ITGAX: variants seen among roughly 807,000 people sequenced by gnomAD.
The protein encoded by ITGAX is integrin alpha-X.
ITGAX carries 99 observed loss-of-function variants against 140.2 expected under a neutral mutation model. The observed-to-expected ratio is 0.71, with a 90% CI of 0.60 to 0.83. The LOEUF (loss-of-function observed/expected upper bound fraction) is 0.83. Among genes scored for constraint, ITGAX ranks in the 40% least tolerant of loss-of-function variants. The probability of loss-of-function intolerance (pLI) is 0.00; values close to 1 mark genes in which losing one functional copy is unlikely to be tolerated. For missense variants in ITGAX, 1,444 were observed against 1,482.0 expected, an observed-to-expected ratio of 0.97 and a Z score of 0.42; for synonymous variants, 631 against 600.4, an observed-to-expected ratio of 1.05 and a Z score of -0.75.
At chr16:31,363,568 C>G (rs2080861437) in intron 14 of ITGAX, among the ~76,000 whole-genome samples, 194 bp downstream of exon 14, 1 of 152,254 alleles carries the variant, frequency 6.6e-6, no homozygotes, top group African/African-American at 2.4e-5. Context: ...GCCTCAGCCT[C>G]CAGAGTAGCT....
Position 31,361,961 on chromosome 16 carries a change from G to A in ITGAX, c.1086+52G>A, listed in dbSNP as rs1038606958. ...TGTGCCGTGAGGGGAGGGGGAGCAGGGAAGGCCAGGGTGGGTGTCAGGTGG... is the reference window on the plus strand; with the variant it reads ...TGTGCCGTGAGGGGAGGGGGAGCAGAGAAGGCCAGGGTGGGTGTCAGGTGG... On this transcript the variant is annotated intron_variant, in intron 10 of 29. Transcript: ENST00000268296. 30 of 1,612,902 alleles carry A rather than the reference G, an allele frequency of 1.9e-5. No homozygotes were observed. In the East Asian group the frequency reaches 6.7e-4, roughly 36 times the overall value.
Position 31,371,206 on chromosome 16 carries a change from C to T in ITGAX, c.1833C>T (p.Leu611=). Residue 611 remains leucine, a synonymous_variant, in exon 15 of 30, where the codon CTC becomes CTT. Transcript: ENST00000268296. The part of the protein sequence containing the change: ...DLAVGARGQV[L]LLRTRPVLWV... ...CTGTGGGGGCCCGGGGCCAGGTGCT[C>T]CTGCTCAGGTGAGAGCAGCCTTTCT... 1 of 1,608,642 alleles carries T rather than the reference C, an allele frequency of 6.2e-7. No individual in the cohort carries two copies. The highest frequency in any genetic ancestry group is 8.5e-7 in the Non-Finnish European group (1 of 1,177,396).
intron 16 of ITGAX, 61 bp downstream of exon 16, chr16:31,371,558 C>G (rs2080960736): frequency 3.1e-6 from 5 of 1,609,848 alleles, no homozygotes; most frequent in Non-Finnish European, 4.2e-6. Flanking sequence ...ATCCCAGGCC[C>G]CTGTCTCCCA....
chr16:31,382,635 C>G lies in ITGAX; in HGVS notation c.*728C>G. On this transcript the variant is annotated 3_prime_UTR_variant, in exon 30 of 30. Transcript: ENST00000268296. Reference sequence around the variant, plus strand: ...TGTCAGCATCAGCTCAGGGCTTCATCGTGGGGCTCTCAGTTCCGATTTCCC... The same window carrying G: ...TGTCAGCATCAGCTCAGGGCTTCATGGTGGGGCTCTCAGTTCCGATTTCCC... 1 of 649,242 alleles carries G rather than the reference C, an allele frequency of 1.5e-6. No individual in the cohort carries two copies. The highest frequency in any genetic ancestry group is 1.6e-5 in the South Asian group (1 of 61,808). 40.2% of individuals were successfully genotyped at this position (649,242 alleles called of 1,614,324 possible). A position where few individuals can be genotyped will look rare whatever the true frequency, so the allele number is the denominator to read the frequency against.
chr16:31,382,653 GA>G lies in ITGAX; in HGVS notation c.*747del. ...GCTTCATCGTGGGGCTCTCAGTTCC[GA>G]TTTCCCAGGCTGAATTGGGAGTGAG... On this transcript the variant is annotated 3_prime_UTR_variant, in exon 30 of 30. Coordinates refer to ENST00000268296, the MANE Select transcript of ITGAX (RefSeq NM_000887.5). 1.6e-6 allele frequency: 1 copy of G among 622,428 alleles called. No homozygotes were observed. The highest frequency in any genetic ancestry group is 2.9e-6 in the Non-Finnish European group (1 of 341,240). 38.6% of individuals were successfully genotyped at this position (622,428 alleles called of 1,614,324 possible).
chr16:31,367,341 C>T (rs1043256903), intron 14 of ITGAX, among the ~76,000 whole-genome samples: 4 of 151,952 alleles, frequency 2.6e-5, no homozygotes, highest in Non-Finnish European at 5.9e-5. Flanking sequence ...GATGAGATGG[C>T]CTTCGATGGA....
intron 5 of ITGAX, 146 bp from the exon 6 acceptor site, chr16:31,359,554 C>T: frequency 2.4e-6 from 2 of 844,820 alleles, no homozygotes; most frequent in South Asian, 3.5e-5. Flanking sequence ...GAGGAGAGGA[C>T]CCAGGGTGTG....
chr16:31,378,302 A>G (rs2081037936), intron 23 of ITGAX, among the ~76,000 whole-genome samples: 1 of 152,222 alleles, frequency 6.6e-6, no homozygotes, highest in Non-Finnish European at 1.5e-5. Flanking sequence ...TGTCCCACAG[A>G]GCCCTGGCAT....
rs1283679510 is a variant in ITGAX, at chr16:31,365,035, CA to C, written c.1710+1666del. On this transcript the variant is annotated intron_variant, in intron 14 of 29. Coordinates refer to ENST00000268296, the MANE Select transcript of ITGAX (RefSeq NM_000887.5). The stretch of plus-strand genomic sequence containing the variant: ...ACTCCGTCTCGAACAAACAAACAAA[CA>C]AAAAGTTAAACATAGAGTTGCCATG... Among the ~76,000 whole-genome samples the C allele has an allele frequency of 2.0e-5, 3 of 151,974 alleles. No homozygotes were observed. The East Asian group carries it at 5.8e-4, about 30-fold the overall frequency.
chr16:31,355,389 A>G, intron 1 of ITGAX, 98 bp downstream of exon 1: 5 of 1,312,904 alleles, frequency 3.8e-6, no homozygotes, highest in South Asian at 3.7e-5. Flanking sequence ...GGATCTGGGT[A>G]GGAAGAGAGA....
chr16:31,373,474 G>A (rs2080992769), intron 20 of ITGAX, 84 bp downstream of exon 20: 1 of 1,428,560 alleles, frequency 7.0e-7, no homozygotes, highest in Admixed American at 2.3e-5. Context: ...GCTGGGCTTG[G>A]AGGTGGTAGT....
intron 23 of ITGAX, 47 bp downstream of exon 23, chr16:31,377,312 T>TAA: frequency 2.6e-6 from 3 of 1,165,634 alleles, no homozygotes; most frequent in African/African-American, 2.7e-5. Context: ...CTCTCTGACC[T>TAA]CAAAAAGAAA....
chr16:31,381,751 C>T (rs1244875923), intron 29 of ITGAX, 52 bp from the exon 30 acceptor site: 5 of 859,742 alleles, frequency 5.8e-6, no homozygotes, highest in African/African-American at 1.6e-5. Flanking sequence ...ATCTCTTTTC[C>T]TCTCTTCCAC....
chr16:31,381,004 C>G lies in ITGAX; in HGVS notation c.3384C>G (p.Tyr1128Ter), dbSNP rs1367460819. Reference sequence around the variant, plus strand: ...TGGCACTCATCACAGCGGTACTGTACAAAGTGAGTGTTTTATGCCACTCTT... The same window carrying G: ...TGGCACTCATCACAGCGGTACTGTAGAAAGTGAGTGTTTTATGCCACTCTT... ...LLLALITAVL[Y>*]KVGFFKRQYK... The change falls in exon 29 of 30, where the codon TAC becomes TAG. Residue 1128 changes from tyrosine to a stop codon, truncating the protein, a stop_gained. Coordinates refer to ENST00000268296, the MANE Select transcript of ITGAX (RefSeq NM_000887.5). LOFTEE classifies it low-confidence loss of function (END_TRUNC). 6.2e-7 allele frequency: 1 copy of G among 1,612,432 alleles called. No individual in the cohort carries two copies. The highest frequency in any genetic ancestry group is 1.1e-5 in the South Asian group (1 of 91,040).
intron 7 of ITGAX, 120 bp downstream of exon 7, chr16:31,360,185 A>G (rs1455675601): frequency 1.8e-5 from 27 of 1,516,760 alleles, no homozygotes; most frequent in Non-Finnish European, 2.3e-5. Flanking sequence ...TACCCTTGCC[A>G]AGCTGGGGCC....
Position 31,381,819 on chromosome 16 carries a change from G to A in ITGAX, c.3404G>A (p.Arg1135His), listed in dbSNP as rs375617767. ...AVLYKVGFFK[R>H]QYKEMMEEAN... ...CCCCCCTAGGTTGGCTTCTTCAAGC[G>A]TCAGTACAAGGAAATGATGGAGGAG... is the stretch of plus-strand genomic sequence containing the variant. Residue 1135 changes from arginine (R) to histidine (H), a missense_variant, in exon 30 of 30, where the codon CGT becomes CAT. Coordinates refer to ENST00000268296, the MANE Select transcript of ITGAX (RefSeq NM_000887.5). 2.9e-5 allele frequency: 25 copies of A among 872,658 alleles called. No individual in the cohort carries two copies. The highest frequency in any genetic ancestry group is 2.5e-4 in the South Asian group (19 of 76,538). The allele number at this position is 872,658 out of a possible 1,614,324, so 54.1% of individuals were successfully genotyped here.
At position 31,359,991 on chromosome 16, in the gene ITGAX, C is replaced by T. The variant is rs1597063846; in HGVS notation, c.633C>T (p.Asn211=). 3 of 1,613,980 alleles carry T rather than the reference C, an allele frequency of 1.9e-6. No individual in the cohort carries two copies. The highest frequency in any genetic ancestry group is 2.5e-6 in the Non-Finnish European group (3 of 1,180,054). Residue 211 remains asparagine (N), a synonymous_variant, in exon 7 of 30, where the codon AAC becomes AAT. Coordinates refer to ENST00000268296, the MANE Select transcript of ITGAX (RefSeq NM_000887.5). ...FTFEEFRRSS[N]PLSLLASVHQ... ...TCGAGGAATTCAGGCGCAGCTCAAA[C>T]CCCCTCAGCCTGTTGGCTTCTGTTC...
rs1597068460 is a variant in ITGAX at position 31,363,049 on chromosome 16, G to A, written c.1474G>A (p.Val492Met). Residue 492 changes from valine to methionine, a missense_variant, in exon 13 of 30, where the codon GTG becomes ATG. By Grantham distance (21) the Val-to-Met change is conservative (BLOSUM62 1). Transcript: ENST00000268296. ...HYYEQTRGGQ[V>M]SVCPLPRGWR... ...CTACGAGCAGACCCGAGGGGGCCAG[G>A]TGTCTGTGTGTCCCTTGCCCAGGGG... The A allele has an allele frequency of 1.9e-6, 3 of 1,609,100 alleles. No individual in the cohort carries two copies. The highest frequency in any genetic ancestry group is 1.7e-5 in the Admixed American group (1 of 59,758).
intron 14 of ITGAX, among the ~76,000 whole-genome samples, chr16:31,368,497 C>CAA (rs34411912): frequency 0.031 from 3,899 of 124,938 alleles, 183 homozygotes; most frequent in African/African-American, 0.095. Context: ...AAGTGTGTCT[C>CAA]AAAAAAAAAA....
Sources: gnomAD v4.1 joint callset for allele counts (sites outside exome capture counted in the v4.1 genomes callset) on GRCh38, gnomAD v4.1.1 for gene constraint, MANE v1.5 for transcripts, NCBI Gene and HGNC (gene_info 2026-07-23, HGNC 2026-07-21) for gene names.